The following CNTN5 variants were observed in gnomAD, a reference collection of about 807,000 sequenced individuals.
CNTN5 encodes contactin 5.
CNTN5 carries 77 observed loss-of-function variants against 129.1 expected under a neutral mutation model. The ratio of observed to expected loss-of-function variants is 0.60; its 90% confidence interval spans 0.50 to 0.72. The LOEUF is 0.72. Among genes scored for constraint, CNTN5 ranks in the 30% least tolerant of loss-of-function variants. CNTN5 has a pLI of 0.00. For synonymous variants in CNTN5, 509 were observed against 465.6 expected, an observed-to-expected ratio of 1.09 and a Z score of -1.20; for missense variants, 1,478 against 1,328.8, an observed-to-expected ratio of 1.11 and a Z score of -1.75.
At chr11:99,121,692 A>G (rs1447063270) in intron 1 of CNTN5, among the ~76,000 whole-genome samples, 1 of 152,194 alleles carries the variant, frequency 6.6e-6, no homozygotes, top group Non-Finnish European at 1.5e-5. Context: ...GGGGGCAGCA[A>G]TGAAACACCA....
intron 4 of CNTN5, among the ~76,000 whole-genome samples, chr11:99,836,769 A>G (rs575309420): frequency 6.5e-4 from 99 of 152,294 alleles, no homozygotes; most frequent in African/African-American, 2.2e-3. Flanking sequence ...ACAGTGTAAA[A>G]GCATTCCTAT....
intron 2 of CNTN5, among the ~76,000 whole-genome samples, chr11:99,410,640 G>T (rs1034450003): frequency 6.6e-6 from 1 of 152,198 alleles, no homozygotes; most frequent in Non-Finnish European, 1.5e-5. Flanking sequence ...AATTCTCCTT[G>T]ATTTTCCCTG....
chr11:99,913,416 A>G (rs1026646831), intron 6 of CNTN5, among the ~76,000 whole-genome samples: 5 of 151,722 alleles, frequency 3.3e-5, no homozygotes, highest in African/African-American at 1.2e-4. Context: ...GAAAGTACAG[A>G]CTTCTTTTTA....
intron 8 of CNTN5, among the ~76,000 whole-genome samples, chr11:99,967,149 A>G (rs1352111430): frequency 1.3e-5 from 2 of 152,176 alleles, no homozygotes; most frequent in African/African-American, 2.4e-5. Context: ...TACACAGACT[A>G]TAATAAAATT....
chr11:100,105,275 G>A (rs1310635317), intron 13 of CNTN5, among the ~76,000 whole-genome samples: 1 of 152,154 alleles, frequency 6.6e-6, no homozygotes, highest in Non-Finnish European at 1.5e-5. Context: ...TCTGTCATGA[G>A]GAAGACTCCA....
intron 13 of CNTN5, among the ~76,000 whole-genome samples, chr11:100,103,592 G>A (rs917343968): frequency 3.9e-5 from 6 of 152,090 alleles, no homozygotes; most frequent in African/African-American, 1.2e-4. Flanking sequence ...ACTGTTCCAC[G>A]CTTGGCGCTG....
rs979568601 is a variant in CNTN5, at chr11:100,312,910, T to C, written c.2730+4442T>C. Among the ~76,000 whole-genome samples the C allele has an allele frequency of 7.9e-5, 12 of 151,992 alleles. No homozygotes were observed. The East Asian group carries it at 2.1e-3, about 27-fold the overall frequency. On this transcript the variant is annotated intron_variant, in intron 21 of 24. Coordinates refer to ENST00000524871, the MANE Select transcript of CNTN5 (RefSeq NM_014361.4). ...TGTTACATCCTAATGGGGGAAAACA[T>C]TTTTTTTAAAAATCAAGGAAACACA...
chr11:100,343,138 GC>G (rs1252428150), intron 23 of CNTN5, among the ~76,000 whole-genome samples: 1 of 152,274 alleles, frequency 6.6e-6, no homozygotes, highest in Admixed American at 6.5e-5. Flanking sequence ...AAAGTTGCCT[GC>G]CAGTTCCCTC....
At chr11:99,407,498 C>T (rs578118959) in intron 2 of CNTN5, among the ~76,000 whole-genome samples, 7 of 152,218 alleles carry the variant, frequency 4.6e-5, no homozygotes, top group Non-Finnish European at 4.4e-5. Flanking sequence ...CTTTCGGAGC[C>T]GTGAGCTGTG....
chr11:99,414,145 G>A (rs1942530751), intron 2 of CNTN5, among the ~76,000 whole-genome samples: 1 of 152,146 alleles, frequency 6.6e-6, no homozygotes, highest in African/African-American at 2.4e-5. Flanking sequence ...CAGGAAACCT[G>A]TTATATATTA....
At chr11:99,791,241 T>G (rs1239935481) in intron 3 of CNTN5, among the ~76,000 whole-genome samples, 2 of 152,126 alleles carry the variant, frequency 1.3e-5, no homozygotes, top group African/African-American at 2.4e-5. Flanking sequence ...AGCATGGTAT[T>G]TCCTAGGTTA....
At chr11:100,333,429 A>C (rs978827910) in intron 21 of CNTN5, among the ~76,000 whole-genome samples, 4 of 150,314 alleles carry the variant, frequency 2.7e-5, no homozygotes, top group Non-Finnish European at 4.4e-5. Flanking sequence ...AAAAAAAAAA[A>C]AAACACCTAA....
chr11:99,480,455 A>T (rs1187234541), intron 2 of CNTN5, among the ~76,000 whole-genome samples: 1 of 152,160 alleles, frequency 6.6e-6, no homozygotes, highest in East Asian at 1.9e-4. Flanking sequence ...AGAATTATCA[A>T]ATTCATAAGA....
intron 13 of CNTN5, among the ~76,000 whole-genome samples, chr11:100,124,332 C>CT (rs1038077463): frequency 6.6e-6 from 1 of 152,070 alleles, no homozygotes; most frequent in African/African-American, 2.4e-5. Context: ...TGCAATATAT[C>CT]TTTTTTTCTG....
chr11:99,763,542 C>T (rs1005789380), intron 3 of CNTN5, among the ~76,000 whole-genome samples: 3 of 151,994 alleles, frequency 2.0e-5, no homozygotes, highest in Non-Finnish European at 4.4e-5. Flanking sequence ...AACATTGTTA[C>T]AACAAAGCCT....
intron 2 of CNTN5, among the ~76,000 whole-genome samples, chr11:99,494,961 G>A (rs1591161365): frequency 6.6e-6 from 1 of 152,178 alleles, no homozygotes; most frequent in East Asian, 1.9e-4. Flanking sequence ...TTGGTGCAAA[G>A]GTAGTCATTT....
intron 13 of CNTN5, among the ~76,000 whole-genome samples, chr11:100,088,645 C>G (rs981516385): frequency 6.6e-6 from 1 of 151,912 alleles, no homozygotes; most frequent in Admixed American, 6.6e-5. Context: ...AGATGAAATG[C>G]ATAAATTTAT....
chr11:99,026,693 A>T (rs1239610615), intron 1 of CNTN5, among the ~76,000 whole-genome samples: 1 of 151,582 alleles, frequency 6.6e-6, no homozygotes, highest in African/African-American at 2.4e-5. Flanking sequence ...ATAATAAACA[A>T]AGTTTCTTCA....
At chr11:100,234,792 TAAAAAAA>T (rs781363668) in intron 16 of CNTN5, among the ~76,000 whole-genome samples, 8 of 102,066 alleles carry the variant, frequency 7.8e-5, no homozygotes, top group East Asian at 3.4e-4. Context: ...TCCCAGAATT[TAAAAAAA>T]AAAAAAAAAA....
Sources: allele counts gnomAD v4.1 joint callset (sites outside exome capture counted in the v4.1 genomes callset), GRCh38; gene constraint gnomAD v4.1.1; transcripts MANE v1.5; gene names NCBI Gene and HGNC (gene_info 2026-07-23, HGNC 2026-07-21).